SLC9B2: variants seen among roughly 807,000 people sequenced by gnomAD.
The protein encoded by SLC9B2 is sodium/hydrogen exchanger 9B2.
In SLC9B2, 39 loss-of-function variants were observed where a neutral mutation model predicts 52.2. The ratio of observed to expected loss-of-function variants is 0.75; its 90% CI spans 0.58 to 0.98. The LOEUF is 0.98. Ranked by LOEUF, SLC9B2 falls within the 50% of genes least tolerant of loss-of-function variation. The pLI, the probability that SLC9B2 is intolerant of heterozygous loss-of-function variation, is 0.00. For missense variants in SLC9B2, 626 were observed against 637.5 expected, an observed-to-expected ratio of 0.98 and a Z score of 0.19; for synonymous variants, 214 against 227.0, an observed-to-expected ratio of 0.94 and a Z score of 0.51.
intron 3 of SLC9B2, 74 bp downstream of exon 3, chr4:103,066,253 T>C (rs1746109477): frequency 6.6e-7 from 1 of 1,507,216 alleles, no homozygotes. Flanking sequence ...TTTTGTCCTT[T>C]CAACCATATT....
intron 3 of SLC9B2, among the ~76,000 whole-genome samples, chr4:103,062,813 T>C (rs1343722491): frequency 1.3e-5 from 2 of 152,178 alleles, no homozygotes; most frequent in Admixed American, 1.3e-4. Flanking sequence ...GGTTTCACTA[T>C]GTTAGCCAGG....
At chr4:103,028,086 T>C (rs1184472106) in intron 11 of SLC9B2, among the ~76,000 whole-genome samples, 1 of 152,200 alleles carries the variant, frequency 6.6e-6, no homozygotes, top group Non-Finnish European at 1.5e-5. Flanking sequence ...CAATCATAGA[T>C]ATTCTAACAA....
At chr4:103,044,819 A>G (rs535304566) in intron 8 of SLC9B2, 71 bp downstream of exon 8, 1 of 1,223,302 alleles carries the variant, frequency 8.2e-7, no homozygotes, top group Non-Finnish European at 1.2e-6. Context: ...TCTGTCTTTG[A>G]AGGAAGTGTT....
At chr4:103,050,500 A>G in intron 4 of SLC9B2, 118 bp from the exon 5 acceptor site, 1 of 930,936 alleles carries the variant, frequency 1.1e-6, no homozygotes, top group East Asian at 3.3e-5. Flanking sequence ...TATGCTTAGA[A>G]GAAATTAAGT....
chr4:103,062,212 G>A (rs988927581), intron 3 of SLC9B2, among the ~76,000 whole-genome samples: 3 of 152,190 alleles, frequency 2.0e-5, no homozygotes, highest in African/African-American at 4.8e-5. Context: ...CATGAGGTCA[G>A]AAGTTCGAGA....
chr4:103,056,368 C>A (rs1745136941), intron 4 of SLC9B2, among the ~76,000 whole-genome samples: 1 of 152,130 alleles, frequency 6.6e-6, no homozygotes, highest in Admixed American at 6.5e-5. Flanking sequence ...CTATCTCAGC[C>A]TCCCAAGTAG....
chr4:103,050,408 T>C, intron 4 of SLC9B2, 26 bp from the exon 5 acceptor site: 1 of 1,539,734 alleles, frequency 6.5e-7, no homozygotes, highest in Non-Finnish European at 8.7e-7. Flanking sequence ...CAAACATATC[T>C]AGTTAGTTTT....
chr4:103,067,439 T>A (rs202184687), intron 2 of SLC9B2, 22 bp downstream of exon 2: 1 of 1,598,688 alleles, frequency 6.3e-7, no homozygotes, highest in African/African-American at 1.3e-5. Context: ...GAAAACACAA[T>A]TCTATCACAG....
At position 103,026,347 on chromosome 4, in the gene SLC9B2, T is replaced by C; in HGVS notation, c.*23A>G. ...AAGTAGCAGCTTTCTAAACATTATG[T>C]TCAGCACTCTCTCTTTTCACCTCTA... On this transcript the variant is annotated 3_prime_UTR_variant, in exon 12 of 12. Coordinates refer to ENST00000394785, the MANE Select transcript of SLC9B2 (RefSeq NM_178833.7). The C allele has an allele frequency of 1.2e-5, 19 of 1,578,230 alleles. No individual in the cohort carries two copies. Among genetic ancestry groups the C allele is most frequent in the Non-Finnish European group, 1.6e-5 (19 of 1,157,918 alleles).
intron 9 of SLC9B2, among the ~76,000 whole-genome samples, chr4:103,041,787 C>T (rs375261042): frequency 6.6e-6 from 1 of 152,100 alleles, no homozygotes. Context: ...TAGTACAACT[C>T]ACCTTGGAGT....
At chr4:103,070,545 ACTCTCCTGCCTCGG>A (rs1287431383) in intron 1 of SLC9B2, among the ~76,000 whole-genome samples, 12 of 151,978 alleles carry the variant, frequency 7.9e-5, no homozygotes, top group Non-Finnish European at 1.8e-4. Context: ...GGTTCAAGAG[ACTCTCCTGCCTCGG>A]CCTTCTGAGT....
chr4:103,056,906 G>A (rs1444550940), intron 4 of SLC9B2, among the ~76,000 whole-genome samples: 1 of 152,140 alleles, frequency 6.6e-6, no homozygotes, highest in Non-Finnish European at 1.5e-5. Flanking sequence ...ATGAATGTTG[G>A]TTGATATTTT....
chr4:103,076,001 T>C (rs1002904223), intron 1 of SLC9B2, among the ~76,000 whole-genome samples, 183 bp downstream of exon 1: 1 of 152,010 alleles, frequency 6.6e-6, no homozygotes, highest in African/African-American at 2.4e-5. Flanking sequence ...AGAACTAAAA[T>C]AAAAGCAAGC....
chr4:103,065,326 A>G (rs1196419501), intron 3 of SLC9B2: 1 of 152,046 alleles, frequency 6.6e-6, no homozygotes, highest in African/African-American at 2.4e-5. Flanking sequence ...GACTGTAGTT[A>G]ATAAATATAT....
At chr4:103,065,146 C>T (rs1408480691) in intron 3 of SLC9B2, among the ~76,000 whole-genome samples, 1 of 149,324 alleles carries the variant, frequency 6.7e-6, no homozygotes, top group African/African-American at 2.5e-5. Flanking sequence ...GACTTTAAAT[C>T]TGAAGATCCA....
chr4:103,028,900 A>T lies in SLC9B2; in HGVS notation c.1256-17T>A, dbSNP rs1213218687. The T allele has an allele frequency of 6.6e-7, 1 of 1,513,112 alleles. No individual in the cohort carries two copies. Among genetic ancestry groups the T allele is most frequent in the South Asian group, 1.3e-5 (1 of 74,158 alleles). 93.7% of individuals were successfully genotyped at this position (1,513,112 alleles called of 1,614,324 possible). A position where few individuals can be genotyped will look rare whatever the true frequency, so the allele number is the denominator to read the frequency against. ...CACAAAGGCCTGTAAGAAATATTCA[A>T]TTTTTAGAAATAATAAAATACTAGG... On this transcript the variant is annotated splice_polypyrimidine_tract_variant and intron_variant, in intron 10 of 11. Transcript: ENST00000394785.
chr4:103,033,811 T>G lies in SLC9B2; in HGVS notation c.1147-2003A>C, dbSNP rs561074758. On this transcript the variant is annotated intron_variant, in intron 9 of 11. Coordinates refer to ENST00000394785, the MANE Select transcript of SLC9B2 (RefSeq NM_178833.7). ...AAACACTGCTGAAAGAAATCAGAGA[T>G]GACCCAAATGGAAAAACATACCATG... Among the ~76,000 whole-genome samples, 3 of 152,008 alleles carry G rather than the reference T, an allele frequency of 2.0e-5. No individual in the cohort carries two copies. The South Asian group carries it at 6.2e-4, about 32-fold the overall frequency.
intron 4 of SLC9B2, among the ~76,000 whole-genome samples, chr4:103,053,273 T>C (rs1186907531): frequency 1.3e-5 from 2 of 152,180 alleles, no homozygotes; most frequent in Admixed American, 1.3e-4. Flanking sequence ...CAGGCAACCA[T>C]CACATACATT....
intron 11 of SLC9B2, 73 bp downstream of exon 11, chr4:103,028,674 C>A (rs902121263): frequency 1.4e-5 from 20 of 1,467,330 alleles, no homozygotes; most frequent in Non-Finnish European, 1.8e-5. Context: ...TTTAAACAAG[C>A]CCTCTTATTC....
Sources: allele counts gnomAD v4.1 joint callset (sites outside exome capture counted in the v4.1 genomes callset), GRCh38; gene constraint gnomAD v4.1.1; transcripts MANE v1.5; gene names NCBI Gene and HGNC (gene_info 2026-07-23, HGNC 2026-07-21).